Variants in HHAT observed in about 807,000 individuals in gnomAD.
HHAT encodes the protein hedgehog acyltransferase.
HHAT carries 47 observed loss-of-function variants against 70.8 expected under a neutral mutation model. The observed-to-expected ratio is 0.66, with a 90% confidence interval of 0.53 to 0.85. HHAT has a LOEUF of 0.85. HHAT is among the 40% of genes least tolerant of loss of function. The pLI is 0.00. For missense variants in HHAT, 609 were observed against 604.8 expected (o/e 1.01, Z -0.07); for synonymous variants, 228 against 247.6 (o/e 0.92, Z 0.74).
chr1:210,535,320 T>C (rs2095359285), intron 9 of HHAT, among the ~76,000 whole-genome samples: 1 of 149,952 alleles, frequency 6.7e-6, no homozygotes, highest in Non-Finnish European at 1.5e-5. Context: ...ATGATTTATG[T>C]GGAAGAACTT....
At chr1:210,541,006 A>G (rs1185786347) in intron 9 of HHAT, among the ~76,000 whole-genome samples, 3 of 152,030 alleles carry the variant, frequency 2.0e-5, no homozygotes, top group Non-Finnish European at 4.4e-5. Flanking sequence ...ATGCCCGGCT[A>G]ATTTTTTGTA....
At chr1:210,670,159 C>T (rs1253648804) in intron 11 of HHAT, among the ~76,000 whole-genome samples, 1 of 152,186 alleles carries the variant, frequency 6.6e-6, no homozygotes, top group Non-Finnish European at 1.5e-5. Context: ...ACAGCTTCTC[C>T]CCTTTGCTTT....
At position 210,374,019 on chromosome 1, in the gene HHAT, A is replaced by C. The variant is rs551308737; in HGVS notation, c.159+11100A>C. On this transcript the variant is annotated intron_variant, in intron 3 of 11. Coordinates refer to ENST00000261458, the MANE Select transcript of HHAT (RefSeq NM_018194.6). ...TATCATGCAAGTATTCAGACCTTTG[A>C]CATGGAAAACAAGAGTTAACTGTCT... is the stretch of plus-strand genomic sequence containing the variant. The C allele has an allele frequency of 3.9e-5, 6 of 152,360 alleles. No individual in the cohort carries two copies. In the South Asian group the frequency reaches 6.2e-4, roughly 16 times the overall value. 9.4% of individuals were successfully genotyped at this position (152,360 alleles called of 1,614,324 possible). A position where few individuals can be genotyped will look rare whatever the true frequency, so the allele number is the denominator to read the frequency against.
intron 8 of HHAT, among the ~76,000 whole-genome samples, chr1:210,497,665 T>C (rs1404036444): frequency 6.6e-6 from 1 of 152,106 alleles, no homozygotes; most frequent in Non-Finnish European, 1.5e-5. Flanking sequence ...CCAGTCACAG[T>C]GGAGGATTGG....
intron 9 of HHAT, among the ~76,000 whole-genome samples, chr1:210,562,881 C>T (rs2095637020): frequency 6.8e-6 from 1 of 147,296 alleles, no homozygotes; most frequent in African/African-American, 2.5e-5. Flanking sequence ...GTTCAATTCC[C>T]ACCTATGAGT....
chr1:210,414,234 T>A (rs190200095), intron 6 of HHAT, among the ~76,000 whole-genome samples: 19 of 152,306 alleles, frequency 1.2e-4, no homozygotes, highest in African/African-American at 4.1e-4. Context: ...ATGACAGCAC[T>A]AATCCTAATC....
Position 210,544,957 on chromosome 1 carries a change from GTC to G in HHAT, c.1043+31773_1043+31774del, listed in dbSNP as rs1408247803. ...CCTATGTCTCCCAAATGTTCCCACTGTCTCTAAATATCCATGGCTACTGTCAC... is the reference window on the plus strand; with the variant it reads ...CCTATGTCTCCCAAATGTTCCCACTGTCTAAATATCCATGGCTACTGTCAC... On this transcript the variant is annotated intron_variant, in intron 9 of 11. Transcript: ENST00000261458. Among the ~76,000 whole-genome samples the G allele has an allele frequency of 2.6e-5, 4 of 152,094 alleles. No homozygotes were observed. In the South Asian group the frequency reaches 6.2e-4, roughly 24 times the overall value.
chr1:210,422,598 G>GGT (rs1299849606), intron 7 of HHAT, among the ~76,000 whole-genome samples: 1 of 152,002 alleles, frequency 6.6e-6, no homozygotes, highest in East Asian at 1.9e-4. Context: ...TCTTTTTTAT[G>GGT]GTGGCATGGT....
At chr1:210,426,255 G>C (rs2093057576) in intron 7 of HHAT, among the ~76,000 whole-genome samples, 1 of 152,166 alleles carries the variant, frequency 6.6e-6, no homozygotes, top group Non-Finnish European at 1.5e-5. Flanking sequence ...TGAGACGATG[G>C]CATTTTCTCA....
At chr1:210,652,049 AGATGCTG>A (rs1414482698) in intron 11 of HHAT, among the ~76,000 whole-genome samples, 1 of 152,214 alleles carries the variant, frequency 6.6e-6, no homozygotes, top group East Asian at 1.9e-4. Context: ...TAATTGGAAT[AGATGCTG>A]GATACACATC....
chr1:210,498,943 T>C (rs1346747352), intron 8 of HHAT, among the ~76,000 whole-genome samples: 2 of 152,060 alleles, frequency 1.3e-5, no homozygotes, highest in East Asian at 3.9e-4. Context: ...CTAATTTTTG[T>C]ATTTTTGGTA....
At chr1:210,423,641 C>G (rs551348095) in intron 7 of HHAT, among the ~76,000 whole-genome samples, 1 of 152,162 alleles carries the variant, frequency 6.6e-6, no homozygotes, top group Non-Finnish European at 1.5e-5. Flanking sequence ...GACCAATGTC[C>G]TGACGGATTC....
At chr1:210,473,719 C>CA (rs1291140566) in intron 8 of HHAT, among the ~76,000 whole-genome samples, 1 of 152,196 alleles carries the variant, frequency 6.6e-6, no homozygotes, top group Non-Finnish European at 1.5e-5. Context: ...TCTCCTTTCC[C>CA]ACAGCCACCT....
chr1:210,354,553 GCT>G (rs1041992256), intron 2 of HHAT, among the ~76,000 whole-genome samples: 5 of 152,024 alleles, frequency 3.3e-5, no homozygotes, highest in African/African-American at 1.2e-4. Context: ...AGAGAGACAA[GCT>G]CTCTCTATGT....
chr1:210,546,191 G>C (rs1213828977), intron 9 of HHAT, among the ~76,000 whole-genome samples: 1 of 152,138 alleles, frequency 6.6e-6, no homozygotes, highest in Non-Finnish European at 1.5e-5. Context: ...CAACACACTG[G>C]GCCTTGGAGA....
chr1:210,529,000 T>C (rs1418944799), intron 9 of HHAT, among the ~76,000 whole-genome samples: 3 of 152,122 alleles, frequency 2.0e-5, no homozygotes, highest in African/African-American at 7.2e-5. Context: ...TGTTAGAAAA[T>C]GGGTGCCGGG....
intron 11 of HHAT, among the ~76,000 whole-genome samples, chr1:210,638,512 T>C (rs1218460374): frequency 1.3e-5 from 2 of 152,120 alleles, no homozygotes; most frequent in African/African-American, 4.8e-5. Flanking sequence ...TGTCTGGAAC[T>C]GGGAGGGATA....
In HHAT at chr1:210,468,873, G is replaced by A. The variant is rs545739545; in HGVS notation, c.1007+4218G>A. Among the ~76,000 whole-genome samples the A allele has an allele frequency of 5.3e-5, 8 of 151,672 alleles. No homozygotes were observed. The South Asian group carries it at 1.7e-3, about 32-fold the overall frequency. On this transcript the variant is annotated intron_variant, in intron 8 of 11. Coordinates refer to ENST00000261458, the MANE Select transcript of HHAT (RefSeq NM_018194.6). ...TTAATAAAATACTGCTTTTTTTTTG[G>A]CAGCAGTCTAGTGACTAAGCGCTGG...
At chr1:210,352,932 C>CT (rs779828953) in intron 2 of HHAT, among the ~76,000 whole-genome samples, 420 of 137,434 alleles carry the variant, frequency 3.1e-3, no homozygotes, top group Middle Eastern at 0.015. Context: ...TCTCTGTTTA[C>CT]TTTTTTTTTT....
Sources: gnomAD v4.1 joint callset for allele counts (sites outside exome capture counted in the v4.1 genomes callset) on GRCh38, gnomAD v4.1.1 for gene constraint, MANE v1.5 for transcripts, NCBI Gene and HGNC (gene_info 2026-07-23, HGNC 2026-07-21) for gene names.